The following KIFC3 variants were observed in gnomAD, a reference collection of about 807,000 sequenced individuals.
The protein encoded by KIFC3 is kinesin family member C3.
KIFC3 carries 60 observed loss-of-function variants against 101.8 expected under a neutral mutation model. The ratio of observed to expected loss-of-function variants is 0.59; its 90% CI spans 0.48 to 0.73. KIFC3 has a LOEUF of 0.73. Ranked by LOEUF, KIFC3 falls within the 30% of genes least tolerant of loss-of-function variation. KIFC3 has a pLI of 0.00. For synonymous variants in KIFC3, 476 were observed against 482.7 expected, an observed-to-expected ratio of 0.99 and a Z score of 0.18; for missense variants, 966 against 1,137.1, an observed-to-expected ratio of 0.85 and a Z score of 2.16.
At chr16:57,824,109 T>C (rs9302693) in intron 1 of KIFC3, among the ~76,000 whole-genome samples, 7,691 of 152,262 alleles carry the variant, frequency 0.051, 280 homozygotes, top group African/African-American at 0.099. Context: ...TGCCTGGGGT[T>C]GTCCTGGTTT....
In KIFC3 at chr16:57,761,519, T is replaced by C; in HGVS notation, c.1766A>G (p.Glu589Gly). ...NEVLRDLLGK[E>G]PQEKLEIRLC... Reference sequence around the variant, plus strand: ...CCGGATCTCCAGTTTTTCCTGAGGCTCTTTCCCTAGCAGGTCCCTGGAGGG... The same window carrying C: ...CCGGATCTCCAGTTTTTCCTGAGGCCCTTTCCCTAGCAGGTCCCTGGAGGG... Residue 589 changes from glutamate to glycine, a missense_variant, in exon 14 of 20, where the codon GAG becomes GGG. Glu to Gly is a moderately conservative substitution (Grantham distance 98). Around this residue, in one of 2 missense-constraint regions of KIFC3, gnomAD observed 689 missense variants for 884.6 expected, o/e 0.78. Transcript: ENST00000445690. 1 of 1,613,564 alleles carries C rather than the reference T, an allele frequency of 6.2e-7. No homozygotes were observed. The highest frequency in any genetic ancestry group is 8.5e-7 in the Non-Finnish European group (1 of 1,179,814).
At chr16:57,796,694 C>T (rs920219984) in intron 2 of KIFC3, among the ~76,000 whole-genome samples, 4 of 152,130 alleles carry the variant, frequency 2.6e-5, no homozygotes, top group Non-Finnish European at 2.9e-5. Context: ...CCAATTTTTT[C>T]CTTCAGGTTA....
At chr16:57,807,735 T>C (rs1238448195), upstream of KIFC3, 1 of 151,872 alleles carries the variant, frequency 6.6e-6, no homozygotes, top group African/African-American at 2.4e-5. Context: ...CCAGGAGTTC[T>C]AGACCAGCCT....
At position 57,837,554 on chromosome 16, in the gene KIFC3, G is replaced by GAAGGAAGGAAGAAAGA. The variant is rs71152302; in HGVS notation, c.108+25174_108+25175insTCTTTCTTCCTTCCTT. 3.4e-4 allele frequency among the ~76,000 whole-genome samples: 34 copies of GAAGGAAGGAAGAAAGA among 100,010 alleles called. 1 individual carries two copies. The highest frequency in any genetic ancestry group is 1.3e-3 in the East Asian group (4 of 3,154). 65.6% of individuals were successfully genotyped at this position (100,010 alleles called of 152,430 possible). A position where few individuals can be genotyped will look rare whatever the true frequency, so the allele number is the denominator to read the frequency against. ...AAGAAAGAAAGAGAAAGGAAGGAAGGAAGAAAGAAAGAAAGAAAGAAAGAA... is the reference window on the plus strand; with the variant it reads ...AAGAAAGAAAGAGAAAGGAAGGAAGGAAGGAAGGAAGAAAGAAAGAAAGAAAGAAAGAAAGAAAGAA... On this transcript the variant is annotated intron_variant, in intron 1 of 2. Coordinates refer to the KIFC3 transcript ENST00000563028.
At chr16:57,861,542 T>G (rs1364958533) in intron 1 of KIFC3, among the ~76,000 whole-genome samples, 2 of 152,176 alleles carry the variant, frequency 1.3e-5, no homozygotes, top group Non-Finnish European at 2.9e-5. Flanking sequence ...TTCCCAAGGA[T>G]GTATTGCAGG....
At chr16:57,842,076 A>G (rs552365002) in intron 1 of KIFC3, among the ~76,000 whole-genome samples, 162 of 151,958 alleles carry the variant, frequency 1.1e-3, no homozygotes, top group Non-Finnish European at 1.9e-3. Context: ...TGCACCTGTA[A>G]TAGGTCCCAG....
In KIFC3 at chr16:57,798,140, G is replaced by C; in HGVS notation, c.104C>G (p.Pro35Arg). Residue 35 changes from proline (P) to arginine (R), a missense_variant, in exon 2 of 20, where the codon CCC becomes CGC. Physicochemically the swap from Pro to Arg is moderately radical, Grantham distance 103 (BLOSUM62 -2). Transcript: ENST00000445690. ...APEPEPGMAR[P>R]APAPASPAAR... ...GGCCGGGCTGGCTGGGGCTGGGGCG[G>C]GGCGAGCCATCCCCGGCTCGGGCTC... The C allele has an allele frequency of 6.4e-7, 1 of 1,554,666 alleles. No individual in the cohort carries two copies. The highest frequency in any genetic ancestry group is 8.7e-7 in the Non-Finnish European group (1 of 1,149,880).
intron 3 of KIFC3, chr16:57,779,297 AG>A (rs2052460742): frequency 6.6e-6 from 1 of 152,294 alleles, no homozygotes. Context: ...ATGAACTTTG[AG>A]GACATTATAC....
chr16:57,813,883 T>C lies in KIFC3; in HGVS notation c.109-15601A>G, dbSNP rs2055153880. On this transcript the variant is annotated intron_variant, in intron 1 of 2. Transcript: ENST00000563028. ...AGCCATGCGGTCCCTGGTAGACAGG[T>C]AGGCAGAGGTGAAGGGATCTACCCT... is the stretch of plus-strand genomic sequence containing the variant. The C allele has an allele frequency of 5.1e-6, 5 of 984,892 alleles. No homozygotes were observed. In the Admixed American group the frequency reaches 3.1e-4, roughly 61 times the overall value. The allele number at this position is 984,892 out of a possible 1,614,324, so 61.0% of individuals were successfully genotyped here.
At position 57,766,837 on chromosome 16, in the gene KIFC3, C is replaced by T. The variant is rs530244153; in HGVS notation, c.1330+37G>A. The T allele has an allele frequency of 8.0e-5, 121 of 1,511,896 alleles. 2 individuals are homozygous for T. The South Asian group carries it at 9.2e-4, about 11-fold the overall frequency. The allele number at this position is 1,511,896 out of a possible 1,614,324, so 93.7% of individuals were successfully genotyped here. A position where few individuals can be genotyped will look rare whatever the true frequency, so the allele number is the denominator to read the frequency against. On this transcript the variant is annotated intron_variant, in intron 10 of 19. Coordinates refer to ENST00000445690, the MANE Select transcript of KIFC3 (RefSeq NM_001130100.2). Reference sequence around the variant, plus strand: ...GACTGCCAAGCCAGGTCGAGGACCCCGAGGCCAGCGCCCACCCCCAGCCCT... The same window carrying T: ...GACTGCCAAGCCAGGTCGAGGACCCTGAGGCCAGCGCCCACCCCCAGCCCT...
At chr16:57,800,178 G>C (rs186894362) in intron 1 of KIFC3, among the ~76,000 whole-genome samples, 1 of 152,214 alleles carries the variant, frequency 6.6e-6, no homozygotes, top group African/African-American at 2.4e-5. Context: ...TCTGGTGTCT[G>C]ATGTTTGCAG....
intron 18 of KIFC3, 170 bp downstream of exon 18, chr16:57,759,558 T>A (rs2049564816): frequency 3.3e-6 from 2 of 601,658 alleles, no homozygotes; most frequent in South Asian, 2.1e-5. Context: ...GACACAGCAC[T>A]GTCTGCCCTG....
At chr16:57,797,084 G>A (rs2054387246) in intron 2 of KIFC3, among the ~76,000 whole-genome samples, 2 of 152,200 alleles carry the variant, frequency 1.3e-5, no homozygotes, top group Admixed American at 6.5e-5. Flanking sequence ...GAGAGACCTC[G>A]GAAGGCATCA....
rs1555603636 is a variant in KIFC3 at position 57,766,988 on chromosome 16, G to A, written c.1219-3C>T. 5 of 1,611,442 alleles carry A rather than the reference G, an allele frequency of 3.1e-6. No homozygotes were observed. In the South Asian group the frequency reaches 5.5e-5, roughly 18 times the overall value. Reference sequence around the variant, plus strand: ...ACCTCCTCGATGGCCTGGCCTATCTGGTGGGGGGTGCACACCACTGTCAGG... The same window carrying A: ...ACCTCCTCGATGGCCTGGCCTATCTAGTGGGGGGTGCACACCACTGTCAGG... On this transcript the variant is annotated splice_polypyrimidine_tract_variant and splice_region_variant and intron_variant, in intron 9 of 19. Coordinates refer to ENST00000445690, the MANE Select transcript of KIFC3 (RefSeq NM_001130100.2).
At chr16:57,836,105 C>A (rs536311812) in intron 1 of KIFC3, among the ~76,000 whole-genome samples, 56 of 152,074 alleles carry the variant, frequency 3.7e-4, no homozygotes, top group Non-Finnish European at 7.2e-4. Context: ...CAAAGGGTGA[C>A]GCAGGAATTT....
upstream of KIFC3, chr16:57,802,709 C>T: frequency 2.4e-6 from 2 of 842,170 alleles, no homozygotes; most frequent in Non-Finnish European, 3.6e-6. The surrounding 1 kb of genome is among the most constrained non-coding windows in gnomAD (Gnocchi z 5.0). Flanking sequence ...CCCGCCTCCC[C>T]GCGTCCCGCA....
chr16:57,812,100 G>T (rs2055096994), intron 1 of KIFC3, among the ~76,000 whole-genome samples: 1 of 148,964 alleles, frequency 6.7e-6, no homozygotes. Context: ...GGAGTGCAGT[G>T]GCGCGATCTC....
intron 13 of KIFC3, 54 bp downstream of exon 13, chr16:57,762,086 G>A (rs1446183847): frequency 1.2e-5 from 18 of 1,517,430 alleles, no homozygotes; most frequent in African/African-American, 4.1e-5. Flanking sequence ...GCACCACCCC[G>A]GAGGACCCCA....
chr16:57,859,395 AC>A (rs2056246222), intron 1 of KIFC3, among the ~76,000 whole-genome samples: 1 of 152,222 alleles, frequency 6.6e-6, no homozygotes, highest in African/African-American at 2.4e-5. Flanking sequence ...AGATAAGGCT[AC>A]GTTCCTCACC....
Sources: allele counts gnomAD v4.1 joint callset (sites outside exome capture counted in the v4.1 genomes callset), GRCh38; gene constraint gnomAD v4.1.1; regional missense constraint gnomAD v4.1.1; non-coding constraint Gnocchi (gnomAD v3.1); transcripts MANE v1.5; gene names NCBI Gene and HGNC (gene_info 2026-07-23, HGNC 2026-07-21).